The following ARHGEF10 variants were observed in gnomAD, a reference collection of about 807,000 sequenced individuals.
The protein encoded by ARHGEF10 is Rho guanine nucleotide exchange factor 10, also known as Rho guanine nucleotide exchange factor (GEF) 10.
ARHGEF10 carries 140 observed loss-of-function variants against 147.4 expected under a neutral mutation model. That is an observed-to-expected ratio of 0.95 (90% CI 0.83 to 1.09). The LOEUF (loss-of-function observed/expected upper bound fraction) is 1.09, where lower values mean the gene tolerates loss of function less well. Ranked by LOEUF, ARHGEF10 falls within the 50% of genes least tolerant of loss-of-function variation. The probability of loss-of-function intolerance (pLI) is 0.00; values close to 1 mark genes in which losing one functional copy is unlikely to be tolerated. For synonymous variants in ARHGEF10, 902 were observed against 695.8 expected (o/e 1.30, Z -4.67); for missense variants, 2,222 against 1,752.7 (o/e 1.27, Z -4.78).
At chr8:1,915,324 T>A (rs1459937171) in intron 18 of ARHGEF10, among the ~76,000 whole-genome samples, 1 of 152,258 alleles carries the variant, frequency 6.6e-6, no homozygotes, top group African/African-American at 2.4e-5. Flanking sequence ...CATCACAGAT[T>A]CTGGGCAGTG....
intron 3 of ARHGEF10, among the ~76,000 whole-genome samples, chr8:1,859,017 C>G (rs915663656): frequency 2.0e-5 from 3 of 151,752 alleles, no homozygotes; most frequent in Admixed American, 1.3e-4. Context: ...GCGCCAGCCT[C>G]TCGGTTGTTT....
intron 1 of ARHGEF10, among the ~76,000 whole-genome samples, chr8:1,842,773 G>C (rs1196391216): frequency 1.3e-5 from 2 of 152,210 alleles, no homozygotes; most frequent in African/African-American, 4.8e-5. Flanking sequence ...CACTCAAACT[G>C]GTGTCCTCGA....
chr8:1,871,136 C>CAAAAAAAA (rs1807084547), intron 7 of ARHGEF10: 1 of 103,516 alleles, frequency 9.7e-6, no homozygotes. Flanking sequence ...AAAAAAAAAT[C>CAAAAAAAA]AGTAAACCAT....
At position 1,929,462 on chromosome 8, in the gene ARHGEF10, C is replaced by T. The variant is rs779207960; in HGVS notation, c.3079+19C>T. The T allele has an allele frequency of 1.9e-6, 3 of 1,593,446 alleles. No individual in the cohort carries two copies. The highest frequency in any genetic ancestry group is 2.7e-5 in the African/African-American group (2 of 74,050). ...GCCCCAGGTGAGGCGGGTCTCACGG[C>T]CTCCTGGCCGGTCCTTGGGGTTCAC... On this transcript the variant is annotated intron_variant, in intron 25 of 28. Transcript: ENST00000349830.
chr8:1,905,617 T>C lies in ARHGEF10; in HGVS notation c.1868T>C (p.Ile623Thr), dbSNP rs771976843. The change falls in exon 17 of 29, where the codon ATA becomes ACA. Residue 623 changes from isoleucine to threonine, a missense_variant. Transcript: ENST00000349830. ...SRYLIRSDDM[I>T]ETVYNDRGEI... The stretch of plus-strand genomic sequence containing the variant: ...TACCTCATTCGATCAGATGATATGA[T>C]AGAAACAGTTTACAACGACAGAGGA... 3.1e-6 allele frequency: 5 copies of C among 1,614,070 alleles called. No individual in the cohort carries two copies. Among genetic ancestry groups the C allele is most frequent in the Admixed American group, 1.7e-5 (1 of 60,002 alleles).
intron 11 of ARHGEF10, among the ~76,000 whole-genome samples, chr8:1,889,967 A>G (rs542218433): frequency 2.4e-5 from 3 of 124,686 alleles, no homozygotes; most frequent in East Asian, 2.7e-4. Flanking sequence ...GGGGAGGGGT[A>G]TGTGAGGAGA....
chr8:1,929,276 TC>T lies in ARHGEF10; in HGVS notation c.2922-9del. The stretch of plus-strand genomic sequence containing the variant: ...AAATATATTTATTAGCTTGTATTTT[TC>T]TCTTAAAGCATTTCCATTTATAAAA... On this transcript the variant is annotated splice_polypyrimidine_tract_variant and intron_variant, in intron 24 of 28. Coordinates refer to ENST00000349830, the MANE Select transcript of ARHGEF10 (RefSeq NM_014629.4). 6.2e-7 allele frequency: 1 copy of T among 1,613,854 alleles called. No individual in the cohort carries two copies. The highest frequency in any genetic ancestry group is 8.5e-7 in the Non-Finnish European group (1 of 1,179,768).
chr8:1,886,558 A>T (rs1808674204), intron 11 of ARHGEF10, among the ~76,000 whole-genome samples: 1 of 152,240 alleles, frequency 6.6e-6, no homozygotes, highest in Admixed American at 6.5e-5. Context: ...ATTTCAGTGG[A>T]ATTGAACAGC....
At chr8:1,923,748 G>C in intron 20 of ARHGEF10, 26 bp from the exon 21 acceptor site, 1 of 1,614,062 alleles carries the variant, frequency 6.2e-7, no homozygotes, top group Non-Finnish European at 8.5e-7. Flanking sequence ...TTTATAAAAT[G>C]AATGCTTGTC....
At chr8:1,926,636 A>G in intron 23 of ARHGEF10, 173 bp downstream of exon 23, 1 of 699,742 alleles carries the variant, frequency 1.4e-6, no homozygotes, top group Non-Finnish European at 2.6e-6. Flanking sequence ...ACTTTTGGAA[A>G]AGATTTACAG....
At chr8:1,933,562 T>TG (rs951370339) in intron 25 of ARHGEF10, among the ~76,000 whole-genome samples, 1 of 45,648 alleles carries the variant, frequency 2.2e-5, no homozygotes, top group Non-Finnish European at 4.2e-5. Flanking sequence ...GGGGGGCGGG[T>TG]GGGGGGTCTT....
intron 2 of ARHGEF10, among the ~76,000 whole-genome samples, chr8:1,846,129 C>T (rs568025561): frequency 1.6e-3 from 240 of 152,320 alleles, no homozygotes; most frequent in African/African-American, 5.1e-3. Context: ...GGAGGGTGTC[C>T]TCGGGAGACC....
At chr8:1,899,422 A>T (rs1215896087) in intron 15 of ARHGEF10, among the ~76,000 whole-genome samples, 1 of 152,246 alleles carries the variant, frequency 6.6e-6, no homozygotes, top group Non-Finnish European at 1.5e-5. Context: ...AGAGCCGATT[A>T]AGATGAACTG....
intron 2 of ARHGEF10, among the ~76,000 whole-genome samples, chr8:1,845,438 A>G (rs1463264782): frequency 1.3e-5 from 2 of 152,166 alleles, no homozygotes; most frequent in African/African-American, 4.8e-5. Flanking sequence ...GTAAGATGGC[A>G]CACCATTAAT....
intron 23 of ARHGEF10, chr8:1,926,935 G>T (rs1812736739): frequency 3.6e-6 from 1 of 277,000 alleles, no homozygotes; most frequent in Non-Finnish European, 7.0e-6. Context: ...TTGAAGCTGT[G>T]TGGTCCCAGG....
chr8:1,832,671 CAG>C (rs1300471863), intron 1 of ARHGEF10, among the ~76,000 whole-genome samples: 4 of 71,768 alleles, frequency 5.6e-5, no homozygotes, highest in South Asian at 5.4e-4. Context: ...GAGGCAGAGA[CAG>C]AGGCAGAGAC....
intron 4 of ARHGEF10, among the ~76,000 whole-genome samples, chr8:1,861,259 C>T (rs1245215389): frequency 2.6e-5 from 4 of 152,308 alleles, no homozygotes; most frequent in Admixed American, 6.5e-5. Flanking sequence ...TGTGTAGTCA[C>T]GCACCAGCTG....
At position 1,834,151 on chromosome 8, in the gene ARHGEF10, T is replaced by C. The variant is rs538231307; in HGVS notation, c.-47-9202T>C. 2.2e-3 allele frequency among the ~76,000 whole-genome samples: 329 copies of C among 152,264 alleles called. 2 individuals carry two copies. Among genetic ancestry groups the C allele is most frequent in the African/African-American group, 6.9e-3 (288 of 41,562 alleles). Reference sequence around the variant, plus strand: ...CTGCCTGGGCAAGTGGATACTGTGGTGGCCGGTCCGGGGCTGCTTGTCCCC... The same window carrying C: ...CTGCCTGGGCAAGTGGATACTGTGGCGGCCGGTCCGGGGCTGCTTGTCCCC... On this transcript the variant is annotated intron_variant, in intron 1 of 28. Coordinates refer to ENST00000349830, the MANE Select transcript of ARHGEF10 (RefSeq NM_014629.4).
chr8:1,935,918 G>C (rs1813558981), intron 26 of ARHGEF10, among the ~76,000 whole-genome samples: 1 of 152,222 alleles, frequency 6.6e-6, no homozygotes, highest in South Asian at 2.1e-4. Context: ...CACTGTCCGA[G>C]CTCACTCCGA....
Sources: allele counts gnomAD v4.1 joint callset (sites outside exome capture counted in the v4.1 genomes callset), GRCh38; gene constraint gnomAD v4.1.1; transcripts MANE v1.5; gene names NCBI Gene and HGNC (gene_info 2026-07-23, HGNC 2026-07-21).